Variants in PRMT7 observed in about 807,000 individuals in gnomAD.
PRMT7 encodes protein arginine N-methyltransferase 7.
A neutral mutation model predicts 85.4 loss-of-function variants in PRMT7; 75 were observed. That is an observed-to-expected ratio of 0.88 (90% confidence interval 0.73 to 1.06). The LOEUF (loss-of-function observed/expected upper bound fraction) is 1.06, where lower values mean the gene tolerates loss of function less well. Among genes scored for constraint, PRMT7 ranks in the 50% least tolerant of loss-of-function variants. PRMT7 has a pLI of 0.00. For missense variants in PRMT7, 868 were observed against 915.2 expected (o/e 0.95, Z 0.67); for synonymous variants, 397 against 359.5 (o/e 1.10, Z -1.18).
chr16:68,348,536 C>T, intron 14 of PRMT7, 105 bp downstream of exon 14: 2 of 829,402 alleles, frequency 2.4e-6, no homozygotes, highest in Non-Finnish European at 3.8e-6. Context: ...CACAGTGGGT[C>T]CTCCACATGC....
chr16:68,321,493 GT>G (rs1463082799), intron 4 of PRMT7, 31 bp downstream of exon 4: 4 of 1,581,512 alleles, frequency 2.5e-6, no homozygotes, highest in Non-Finnish European at 3.5e-6. Context: ...TTATCTTGAT[GT>G]GGGGTGTTTT....
intron 4 of PRMT7, 153 bp from the exon 5 acceptor site, chr16:68,324,530 C>T: frequency 1.2e-6 from 1 of 843,718 alleles, no homozygotes; most frequent in Non-Finnish European, 1.8e-6. Context: ...ACAAGACCTG[C>T]CCAACTCAGC....
chr16:68,337,614 C>A, intron 7 of PRMT7, 43 bp downstream of exon 7: 2 of 1,377,316 alleles, frequency 1.5e-6, no homozygotes, highest in Non-Finnish European at 2.0e-6. Context: ...GTGGTCTCAG[C>A]CAGCTCACAT....
chr16:68,318,145 G>A (rs2082087420), intron 3 of PRMT7, among the ~76,000 whole-genome samples: 1 of 151,456 alleles, frequency 6.6e-6, no homozygotes, highest in Admixed American at 6.6e-5. Context: ...ATTGTTTGAT[G>A]ATTAAATGTA....
chr16:68,324,469 AGT>A (rs2082868185), intron 4 of PRMT7: 1 of 588,372 alleles, frequency 1.7e-6, no homozygotes, highest in African/African-American at 1.9e-5. Flanking sequence ...AGGATAGAAG[AGT>A]GAGTGTGGAG....
rs1455635906 is a variant in PRMT7, at chr16:68,353,368, C to T, written c.1576-124C>T. On this transcript the variant is annotated intron_variant, in intron 15 of 18. Coordinates refer to ENST00000441236, the MANE Select transcript of PRMT7 (RefSeq NM_019023.5). ...TTGTGGATCTTTGTTCTCTCTGAGC[C>T]CCTTCATACTTGGGGGTCTCTTTCA... 5.2e-6 allele frequency: 8 copies of T among 1,529,374 alleles called. No homozygotes were observed. In the African/African-American group the frequency reaches 7.0e-5, roughly 13 times the overall value. 94.7% of individuals were successfully genotyped at this position (1,529,374 alleles called of 1,614,324 possible).
At chr16:68,353,687 C>T (rs1243375196) in intron 16 of PRMT7, 121 bp downstream of exon 16, 3 of 885,148 alleles carry the variant, frequency 3.4e-6, no homozygotes, top group Admixed American at 3.4e-5. Flanking sequence ...CAGGTGCTGC[C>T]ATTTTGTGTG....
chr16:68,359,676 C>T (rs1180726781), downstream of PRMT7: 1 of 152,670 alleles, frequency 6.6e-6, no homozygotes, highest in Non-Finnish European at 1.5e-5. Flanking sequence ...AAAGCCGGCC[C>T]TGGGCCAGGC....
At chr16:68,329,401 C>T (rs1251123788) in intron 6 of PRMT7, 5 of 346,794 alleles carry the variant, frequency 1.4e-5, no homozygotes, top group African/African-American at 6.2e-5. Context: ...GCAATGGAGA[C>T]GCAAACAAAA....
chr16:68,347,705 TAGTG>T (rs781709216), intron 13 of PRMT7, 27 bp downstream of exon 13: 3 of 1,609,544 alleles, frequency 1.9e-6, no homozygotes, highest in East Asian at 2.2e-5. Context: ...GTTGCTGAAA[TAGTG>T]AGAGGACCTG....
intron 14 of PRMT7, among the ~76,000 whole-genome samples, chr16:68,350,134 T>TGC (rs1195966140): frequency 6.6e-6 from 1 of 152,240 alleles, no homozygotes; most frequent in Non-Finnish European, 1.5e-5. Context: ...TTTTGAAGGC[T>TGC]GTGTAGCATT....
intron 18 of PRMT7, 65 bp from the exon 19 acceptor site, chr16:68,356,989 G>T: frequency 6.6e-7 from 1 of 1,519,458 alleles, no homozygotes; most frequent in Non-Finnish European, 8.9e-7. Context: ...TGGGCTGGAG[G>T]CTGGCTAGGA....
intron 4 of PRMT7, among the ~76,000 whole-genome samples, chr16:68,322,825 G>T (rs2082653137): frequency 6.6e-6 from 1 of 152,058 alleles, no homozygotes. Context: ...GGGGTCAGGA[G>T]ATCGAGACCA....
chr16:68,334,775 C>T (rs752186456), intron 6 of PRMT7, among the ~76,000 whole-genome samples: 15 of 151,960 alleles, frequency 9.9e-5, no homozygotes, highest in Non-Finnish European at 2.1e-4. Flanking sequence ...TGCACTGGAC[C>T]ATAAAGCTTG....
chr16:68,311,167 C>G (rs941353855), intron 1 of PRMT7, 68 bp downstream of exon 1: 2 of 622,456 alleles, frequency 3.2e-6, no homozygotes, highest in Admixed American at 4.9e-5. Context: ...GCATGGTGTC[C>G]TTGGCACCAG....
chr16:68,321,520 A>G, intron 4 of PRMT7, 58 bp downstream of exon 4: 7 of 1,471,968 alleles, frequency 4.8e-6, no homozygotes, highest in Non-Finnish European at 5.7e-6. Context: ...CTTGGATTAC[A>G]AGAAGGTTAA....
intron 8 of PRMT7, 47 bp from the exon 9 acceptor site, chr16:68,339,741 G>T (rs781675457): frequency 9.4e-6 from 15 of 1,591,108 alleles, no homozygotes; most frequent in Non-Finnish European, 1.3e-5. Context: ...AAAAAATGGA[G>T]TGTGTGAGGT....
intron 14 of PRMT7, among the ~76,000 whole-genome samples, chr16:68,350,876 A>G (rs1313292044): frequency 6.6e-6 from 1 of 152,228 alleles, no homozygotes; most frequent in African/African-American, 2.4e-5. Flanking sequence ...GGGCTCATCC[A>G]TGTCGTAGCC....
intron 4 of PRMT7, 37 bp downstream of exon 4, chr16:68,321,499 T>C: frequency 6.4e-7 from 1 of 1,560,312 alleles, no homozygotes; most frequent in Non-Finnish European, 8.8e-7. Context: ...TGATGTGGGG[T>C]GTTTTGAAGT....
Sources: gnomAD v4.1 joint callset for allele counts (sites outside exome capture counted in the v4.1 genomes callset) on GRCh38, gnomAD v4.1.1 for gene constraint, MANE v1.5 for transcripts, NCBI Gene and HGNC (gene_info 2026-07-23, HGNC 2026-07-21) for gene names.